PDZD2: variants seen among roughly 807,000 people sequenced by gnomAD.
PDZD2 encodes PDZ domain containing 2.
In PDZD2, 90 loss-of-function variants were observed where a neutral mutation model predicts 220.7. That is an observed-to-expected ratio of 0.41 (90% CI 0.34 to 0.49). PDZD2 has a LOEUF of 0.49. Among genes scored for constraint, PDZD2 ranks in the 20% least tolerant of loss-of-function variants. The pLI, the probability that PDZD2 is intolerant of heterozygous loss-of-function variation, is 0.28. For missense variants in PDZD2, 3,174 were observed against 3,608.5 expected, an observed-to-expected ratio of 0.88 and a Z score of 3.08; for synonymous variants, 1,375 against 1,450.5, an observed-to-expected ratio of 0.95 and a Z score of 1.18.
chr5:31,949,066 T>C (rs1005259082), intron 2 of PDZD2, among the ~76,000 whole-genome samples: 6 of 140,408 alleles, frequency 4.3e-5, no homozygotes, highest in African/African-American at 1.7e-4. Flanking sequence ...CCACTGCCCT[T>C]CTGCCTGGGT....
intron 1 of PDZD2, among the ~76,000 whole-genome samples, chr5:31,718,052 A>G (rs1047231068): frequency 1.3e-5 from 2 of 152,144 alleles, no homozygotes; most frequent in African/African-American, 2.4e-5. Flanking sequence ...GCTCCTCCCT[A>G]TAACTCATTC....
intron 2 of PDZD2, among the ~76,000 whole-genome samples, chr5:31,900,042 T>G (rs1180764480): frequency 1.3e-5 from 2 of 152,224 alleles, no homozygotes; most frequent in Admixed American, 1.3e-4. Context: ...CGGACTAGAA[T>G]GGAAGAATGC....
At chr5:31,822,271 C>CT (rs34010630) in intron 2 of PDZD2, among the ~76,000 whole-genome samples, 1,692 of 100,552 alleles carry the variant, frequency 0.017, 58 homozygotes, top group African/African-American at 0.049. Flanking sequence ...TTCACGCAAT[C>CT]TTTTTTTTTT....
chr5:31,735,059 G>A (rs895534801), intron 1 of PDZD2, among the ~76,000 whole-genome samples: 2 of 152,094 alleles, frequency 1.3e-5, no homozygotes, highest in African/African-American at 4.8e-5. Context: ...TTCTCGGTCA[G>A]GTCAGTTGGA....
chr5:31,745,077 A>AAAAT (rs559349013), intron 1 of PDZD2, among the ~76,000 whole-genome samples: 154 of 152,130 alleles, frequency 1.0e-3, no homozygotes, highest in East Asian at 8.5e-3. Context: ...CGTCTCAAAA[A>AAAAT]AAATAAATAA....
chr5:31,987,928 C>T (rs1007379891), intron 3 of PDZD2, among the ~76,000 whole-genome samples: 3 of 152,158 alleles, frequency 2.0e-5, no homozygotes, highest in African/African-American at 4.8e-5. Flanking sequence ...TCACCAAGTC[C>T]CCTCAACTGT....
chr5:31,977,504 C>T (rs1049930238), intron 2 of PDZD2, among the ~76,000 whole-genome samples: 5 of 152,176 alleles, frequency 3.3e-5, no homozygotes, highest in South Asian at 2.1e-4. Context: ...TCTAAGCCCC[C>T]ACCCTCACCC....
chr5:32,030,938 AT>A (rs1174597526), intron 6 of PDZD2, among the ~76,000 whole-genome samples: 1 of 151,914 alleles, frequency 6.6e-6, no homozygotes, highest in Non-Finnish European at 1.5e-5. Context: ...TTTACTGAGG[AT>A]TTTTTTCATT....
intron 3 of PDZD2, among the ~76,000 whole-genome samples, chr5:31,991,709 G>A (rs1001629523): frequency 4.6e-5 from 7 of 152,112 alleles, no homozygotes; most frequent in South Asian, 4.1e-4. Flanking sequence ...TTTACTGAAC[G>A]TTGCTGTAGG....
At chr5:31,644,727 T>C (rs1382867495) in intron 1 of PDZD2, among the ~76,000 whole-genome samples, 1 of 151,280 alleles carries the variant, frequency 6.6e-6, no homozygotes, top group Admixed American at 6.6e-5. Context: ...CCTACCAGAA[T>C]GCGTTCTGAG....
intron 5 of PDZD2, among the ~76,000 whole-genome samples, chr5:32,010,084 C>A (rs1350862167): frequency 4.2e-4 from 55 of 131,970 alleles, no homozygotes; most frequent in South Asian, 6.9e-4. Flanking sequence ...AAGACTGTCT[C>A]AAAAAAAAGA....
In PDZD2 at chr5:31,701,862, T is replaced by C. The variant is rs144389343; in HGVS notation, c.-361+62425T>C. ...TAGCAAGCTGGGGAGCCCAGATAAA[T>C]AGAGCTTTCTGTTTCCTTTCCTGGA... On this transcript the variant is annotated intron_variant, in intron 1 of 24. Coordinates refer to ENST00000438447, the MANE Select transcript of PDZD2 (RefSeq NM_178140.4). Among the ~76,000 whole-genome samples, 672 of 152,334 alleles carry C rather than the reference T, an allele frequency of 4.4e-3. 3 individuals carry two copies. The highest frequency in any genetic ancestry group is 6.8e-3 in the Non-Finnish European group (465 of 68,034).
intron 2 of PDZD2, among the ~76,000 whole-genome samples, chr5:31,846,317 T>G (rs2150290328): frequency 6.6e-6 from 1 of 152,236 alleles, no homozygotes; most frequent in East Asian, 1.9e-4. Context: ...GTATTTTTAG[T>G]AGAGACAAGG....
rs1399670010 is a variant in PDZD2 at position 32,000,574 on chromosome 5, A to G, written c.1254+303A>G. ...TGCCTAGTCTGGAGTGCAATGGCGC[A>G]ATCTCGGCTCACCGCAACCTCCACC... On this transcript the variant is annotated intron_variant, in intron 5 of 24. Transcript: ENST00000438447. This position sits in a 1 kb window ranked among gnomAD's most constrained non-coding sequence, Gnocchi z 4.5. Among the ~76,000 whole-genome samples the G allele has an allele frequency of 6.6e-6, 1 of 151,994 alleles. No individual in the cohort carries two copies. The highest frequency in any genetic ancestry group is 1.5e-5 in the Non-Finnish European group (1 of 68,016).
intron 2 of PDZD2, among the ~76,000 whole-genome samples, chr5:31,959,860 C>A (rs73066489): frequency 0.034 from 5,117 of 152,028 alleles, 285 homozygotes; most frequent in African/African-American, 0.12. Flanking sequence ...AGGGAGAAAC[C>A]CACTTGGCCA....
chr5:31,667,542 G>C (rs1382501116), intron 1 of PDZD2, among the ~76,000 whole-genome samples: 1 of 151,576 alleles, frequency 6.6e-6, no homozygotes, highest in African/African-American at 2.4e-5. Context: ...AATGAGGAGA[G>C]GCCTGAGCTA....
chr5:32,031,015 G>C (rs946566691), intron 6 of PDZD2, among the ~76,000 whole-genome samples: 2 of 152,112 alleles, frequency 1.3e-5, no homozygotes, highest in African/African-American at 4.8e-5. Context: ...TCTTGGGAGA[G>C]CTGTCCCAGA....
At chr5:31,982,808 C>A (rs1157492018) in intron 2 of PDZD2, among the ~76,000 whole-genome samples, 2 of 152,310 alleles carry the variant, frequency 1.3e-5, no homozygotes, top group Admixed American at 6.5e-5. Flanking sequence ...AATTCCGATG[C>A]AAGAAATGGT....
intron 1 of PDZD2, among the ~76,000 whole-genome samples, chr5:31,676,834 G>A (rs1746447423): frequency 6.6e-6 from 1 of 152,042 alleles, no homozygotes. Context: ...GATTACAGGT[G>A]TGAGCTACCA....
Sources: allele counts gnomAD v4.1 joint callset (sites outside exome capture counted in the v4.1 genomes callset), GRCh38; gene constraint gnomAD v4.1.1; non-coding constraint Gnocchi (gnomAD v3.1); transcripts MANE v1.5; gene names NCBI Gene and HGNC (gene_info 2026-07-23, HGNC 2026-07-21).